Variants in NPAS3 observed in about 807,000 individuals in gnomAD.
The protein encoded by NPAS3 is neuronal PAS domain-containing protein 3.
NPAS3 carries 14 observed loss-of-function variants against 73.1 expected under a neutral mutation model. The ratio of observed to expected loss-of-function variants is 0.19; its 90% CI spans 0.13 to 0.30. The LOEUF (loss-of-function observed/expected upper bound fraction) is 0.30, where lower values mean the gene tolerates loss of function less well. Among genes scored for constraint, NPAS3 ranks in the 10% least tolerant of loss-of-function variants. NPAS3 has a pLI of 1.00. For synonymous variants in NPAS3, 620 were observed against 541.5 expected (o/e 1.14, Z -2.01); for missense variants, 1,096 against 1,250.0 (o/e 0.88, Z 1.86).
chr14:33,506,875 G>A (rs2052790789), intron 4 of NPAS3, among the ~76,000 whole-genome samples: 1 of 151,924 alleles, frequency 6.6e-6, no homozygotes. Flanking sequence ...TACTGCTGAA[G>A]GTCTTATTTC....
intron 3 of NPAS3, among the ~76,000 whole-genome samples, chr14:33,350,324 G>A (rs1402549027): frequency 6.6e-6 from 1 of 152,190 alleles, no homozygotes; most frequent in Non-Finnish European, 1.5e-5. Flanking sequence ...AAATATGGAT[G>A]TGTAGAATAT....
intron 4 of NPAS3, among the ~76,000 whole-genome samples, chr14:33,417,945 G>T (rs1197105873): frequency 6.6e-6 from 1 of 151,932 alleles, no homozygotes; most frequent in Non-Finnish European, 1.5e-5. Context: ...TTTTGCAGAT[G>T]ATTTTGGTTC....
chr14:33,210,409 G>T (rs10141324), intron 2 of NPAS3, among the ~76,000 whole-genome samples: 31,915 of 152,024 alleles, frequency 0.21, 3,804 homozygotes, highest in South Asian at 0.38. Flanking sequence ...AGCTTGAAAA[G>T]AATTTCATGA....
chr14:33,256,937 G>T (rs1440548136), intron 3 of NPAS3, among the ~76,000 whole-genome samples: 1 of 152,140 alleles, frequency 6.6e-6, no homozygotes, highest in East Asian at 1.9e-4. Context: ...CAGACCCCTA[G>T]AAGGCAAGGT....
chr14:33,608,433 T>C (rs1253046076), intron 5 of NPAS3: 1 of 152,214 alleles, frequency 6.6e-6, no homozygotes, highest in Non-Finnish European at 1.5e-5. Flanking sequence ...AGACTAGATA[T>C]GCTCAAACGT....
chr14:33,249,867 C>A (rs556654374), intron 3 of NPAS3, among the ~76,000 whole-genome samples: 1 of 151,566 alleles, frequency 6.6e-6, no homozygotes, highest in African/African-American at 2.4e-5. Context: ...GCATCAAACT[C>A]AGTCCCTCTA....
chr14:33,158,198 T>G (rs17100276), intron 2 of NPAS3, among the ~76,000 whole-genome samples: 1 of 152,000 alleles, frequency 6.6e-6, no homozygotes, highest in Non-Finnish European at 1.5e-5. Context: ...TGGTTGATCT[T>G]TGTTAACTCC....
intron 1 of NPAS3, among the ~76,000 whole-genome samples, chr14:33,037,715 G>A (rs917860360): frequency 1.3e-5 from 2 of 151,998 alleles, no homozygotes; most frequent in African/African-American, 4.8e-5. Context: ...AATAACAAAT[G>A]TTTTCATGAA....
chr14:33,123,176 T>C (rs902906673), intron 2 of NPAS3, among the ~76,000 whole-genome samples: 2 of 152,148 alleles, frequency 1.3e-5, no homozygotes, highest in African/African-American at 4.8e-5. Flanking sequence ...ATTAGTACTG[T>C]AAATGGTCCA....
chr14:33,788,890 T>C (rs2063261317), intron 9 of NPAS3, among the ~76,000 whole-genome samples: 1 of 149,948 alleles, frequency 6.7e-6, no homozygotes, highest in African/African-American at 2.5e-5. Context: ...GCAGTACATT[T>C]CTTATAGGCC....
chr14:33,024,253 C>A (rs2039718796), intron 1 of NPAS3, among the ~76,000 whole-genome samples: 1 of 151,632 alleles, frequency 6.6e-6, no homozygotes, highest in Non-Finnish European at 1.5e-5. Flanking sequence ...CTCACTGAAA[C>A]CTCCACCTCC....
At chr14:33,128,596 T>G (rs1032505146) in intron 2 of NPAS3, among the ~76,000 whole-genome samples, 1 of 152,208 alleles carries the variant, frequency 6.6e-6, no homozygotes, top group Non-Finnish European at 1.5e-5. Flanking sequence ...GACTAATATT[T>G]ACCTGTTTAA....
chr14:32,965,486 A>C (rs2037112992), intron 1 of NPAS3, among the ~76,000 whole-genome samples: 1 of 152,236 alleles, frequency 6.6e-6, no homozygotes, highest in South Asian at 2.1e-4. Context: ...GATGAAGAAA[A>C]ATCATTTGAC....
chr14:33,316,273 A>T (rs988191385), intron 3 of NPAS3, among the ~76,000 whole-genome samples: 1 of 152,104 alleles, frequency 6.6e-6, no homozygotes, highest in Non-Finnish European at 1.5e-5. Context: ...AGATTTTTTT[A>T]AAATCACGCG....
intron 1 of NPAS3, among the ~76,000 whole-genome samples, chr14:33,025,845 C>A (rs2039783390): frequency 6.6e-6 from 1 of 152,128 alleles, no homozygotes; most frequent in Non-Finnish European, 1.5e-5. Flanking sequence ...GTATAGTTCA[C>A]AGAACTGTGA....
chr14:33,516,132 A>C (rs1486375135), intron 4 of NPAS3, among the ~76,000 whole-genome samples: 1 of 152,088 alleles, frequency 6.6e-6, no homozygotes, highest in African/African-American at 2.4e-5. Flanking sequence ...TAAATTAAGC[A>C]CCTTTGCCTA....
chr14:33,250,022 A>C (rs1460956785), intron 3 of NPAS3, among the ~76,000 whole-genome samples: 1 of 152,054 alleles, frequency 6.6e-6, no homozygotes, highest in Non-Finnish European at 1.5e-5. Context: ...GCTACAAACA[A>C]GTGGCCACTT....
chr14:33,092,301 C>T (rs1448112149), intron 2 of NPAS3, among the ~76,000 whole-genome samples: 1 of 152,158 alleles, frequency 6.6e-6, no homozygotes, highest in Non-Finnish European at 1.5e-5. Flanking sequence ...GTGCAAAAAT[C>T]ACGAGCATTC....
intron 4 of NPAS3, among the ~76,000 whole-genome samples, chr14:33,513,140 GGGCACCTAGC>G (rs1434832264): frequency 6.6e-6 from 1 of 151,982 alleles, no homozygotes; most frequent in African/African-American, 2.4e-5. Context: ...AAGGGTTGTG[GGGCACCTAGC>G]CATGTAGTGC....
Sources: allele counts gnomAD v4.1 joint callset (sites outside exome capture counted in the v4.1 genomes callset), GRCh38; gene constraint gnomAD v4.1.1; transcripts MANE v1.5; gene names NCBI Gene and HGNC (gene_info 2026-07-23, HGNC 2026-07-21).